The following MICU2 variants were observed in gnomAD, a reference collection of about 807,000 sequenced individuals.
The protein encoded by MICU2 is calcium uptake protein 2, mitochondrial.
MICU2 carries 64 observed loss-of-function variants against 60.4 expected under a neutral mutation model. The observed-to-expected ratio is 1.06, with a 90% CI of 0.87 to 1.31. The LOEUF (loss-of-function observed/expected upper bound fraction) is 1.31, where lower values mean the gene tolerates loss of function less well. Ranked by LOEUF, MICU2 falls within the 50% of genes most tolerant of loss-of-function variation. MICU2 has a pLI of 0.00. For synonymous variants in MICU2, 201 were observed against 175.0 expected (o/e 1.15, Z -1.17); for missense variants, 569 against 531.0 (o/e 1.07, Z -0.70).
chr13:21,577,341 T>C (rs957266757), intron 1 of MICU2, among the ~76,000 whole-genome samples: 8 of 152,102 alleles, frequency 5.3e-5, no homozygotes, highest in Non-Finnish European at 8.8e-5. Flanking sequence ...CCTTTTTAAT[T>C]TGGCTAACTT....
chr13:21,554,939 C>T (rs977691714), intron 2 of MICU2, among the ~76,000 whole-genome samples: 14 of 152,176 alleles, frequency 9.2e-5, no homozygotes, highest in Admixed American at 3.9e-4. Flanking sequence ...ATAAATTCCT[C>T]GACACATATA....
At chr13:21,539,782 C>A in intron 2 of MICU2, 94 bp from the exon 3 acceptor site, 2 of 1,124,464 alleles carry the variant, frequency 1.8e-6, no homozygotes. Context: ...ACAAAACAAA[C>A]AACTAAATAT....
intron 1 of MICU2, among the ~76,000 whole-genome samples, chr13:21,572,715 T>C (rs563742688): frequency 6.6e-6 from 1 of 152,268 alleles, no homozygotes; most frequent in East Asian, 1.9e-4. Context: ...AGTATACTGT[T>C]GCATGATTCA....
At chr13:21,555,516 T>C (rs969780548) in intron 2 of MICU2, among the ~76,000 whole-genome samples, 1 of 152,260 alleles carries the variant, frequency 6.6e-6, no homozygotes, top group Non-Finnish European at 1.5e-5. Context: ...TGATGGGATG[T>C]ATCTCAAAAT....
chr13:21,500,298 G>A (rs1886113346), intron 9 of MICU2, among the ~76,000 whole-genome samples: 1 of 151,874 alleles, frequency 6.6e-6, no homozygotes, highest in Non-Finnish European at 1.5e-5. Context: ...AGGCTAACCT[G>A]CAAAGGGATA....
At chr13:21,501,730 C>T (rs1304876419) in intron 9 of MICU2, among the ~76,000 whole-genome samples, 1 of 152,208 alleles carries the variant, frequency 6.6e-6, no homozygotes, top group African/African-American at 2.4e-5. Context: ...AGCCAAGTGT[C>T]ATGTGATGTT....
At chr13:21,494,659 T>C (rs1011548427) in intron 11 of MICU2, among the ~76,000 whole-genome samples, 2 of 152,166 alleles carry the variant, frequency 1.3e-5, no homozygotes, top group Admixed American at 1.3e-4. Flanking sequence ...ATATATCTAA[T>C]TACATGTAGT....
chr13:21,577,804 C>CAAA (rs56200015), intron 1 of MICU2, among the ~76,000 whole-genome samples: 20 of 47,868 alleles, frequency 4.2e-4, no homozygotes, highest in African/African-American at 6.7e-4. Flanking sequence ...GACTCGGTCT[C>CAAA]AAAAAAAAAA....
chr13:21,584,388 CA>C (rs369331807), intron 1 of MICU2, among the ~76,000 whole-genome samples: 1,258 of 103,314 alleles, frequency 0.012, 19 homozygotes, highest in African/African-American at 0.04. Flanking sequence ...GACTCCATCT[CA>C]AAAAAAAAAA....
At chr13:21,505,486 C>T (rs1886270995) in intron 8 of MICU2, among the ~76,000 whole-genome samples, 1 of 152,136 alleles carries the variant, frequency 6.6e-6, no homozygotes, top group South Asian at 2.1e-4. Context: ...AAAAGCACAC[C>T]AAAATTCTGG....
intron 9 of MICU2, among the ~76,000 whole-genome samples, chr13:21,499,730 T>A (rs1003678579): frequency 6.6e-6 from 1 of 150,624 alleles, no homozygotes; most frequent in Non-Finnish European, 1.5e-5. Flanking sequence ...TTTCTGTACA[T>A]CTATCAGAGG....
rs192607739 is a variant in MICU2 at position 21,530,961 on chromosome 13, T to G, written c.467-8311A>C. On this transcript the variant is annotated intron_variant, in intron 4 of 11. Coordinates refer to ENST00000382374, the MANE Select transcript of MICU2 (RefSeq NM_152726.3). The stretch of plus-strand genomic sequence containing the variant: ...ATCCTGTGGTCCAGATCATTTACAG[T>G]GACAAATATACACTCTGGAAATGAT... 461 of 772,096 alleles carry G rather than the reference T, an allele frequency of 6.0e-4. 4 individuals are homozygous for G. In the African/African-American group the frequency reaches 7.2e-3, roughly 12 times the overall value. 47.8% of individuals were successfully genotyped at this position (772,096 alleles called of 1,614,324 possible). A position where few individuals can be genotyped will look rare whatever the true frequency, so the allele number is the denominator to read the frequency against.
chr13:21,600,067 C>A (rs1053750121), intron 1 of MICU2, among the ~76,000 whole-genome samples: 1 of 152,100 alleles, frequency 6.6e-6, no homozygotes, highest in African/African-American at 2.4e-5. Flanking sequence ...AAAATGTAAT[C>A]TTTTTTCTAA....
intron 6 of MICU2, among the ~76,000 whole-genome samples, chr13:21,517,799 A>ACACACACACG (rs1244489287): frequency 1.8e-4 from 24 of 136,400 alleles, no homozygotes; most frequent in African/African-American, 7.4e-4. Flanking sequence ...ACACACACAC[A>ACACACACACG]CGCGCGCGCG....
At chr13:21,528,271 A>G (rs895544132) in intron 4 of MICU2, among the ~76,000 whole-genome samples, 1 of 152,212 alleles carries the variant, frequency 6.6e-6, no homozygotes, top group Non-Finnish European at 1.5e-5. Context: ...AAGGGTCCCA[A>G]GTATAACTAA....
intron 9 of MICU2, among the ~76,000 whole-genome samples, chr13:21,498,614 G>C (rs1886064513): frequency 6.6e-6 from 1 of 151,900 alleles, no homozygotes; most frequent in African/African-American, 2.4e-5. Context: ...CCTGACCTCA[G>C]GTGATTCACC....
At chr13:21,572,426 G>T (rs1456853258) in intron 1 of MICU2, among the ~76,000 whole-genome samples, 3 of 152,224 alleles carry the variant, frequency 2.0e-5, no homozygotes, top group Non-Finnish European at 4.4e-5. Context: ...TTAGTGCCAA[G>T]TGAATCTACA....
intron 1 of MICU2, among the ~76,000 whole-genome samples, chr13:21,596,977 C>A (rs1195890490): frequency 6.6e-6 from 1 of 151,966 alleles, no homozygotes; most frequent in Non-Finnish European, 1.5e-5. Context: ...TTGAGGTTTA[C>A]CAGTTGAAGC....
intron 7 of MICU2, among the ~76,000 whole-genome samples, chr13:21,513,731 CTCTG>C (rs1404767961): frequency 2.6e-5 from 2 of 76,698 alleles, no homozygotes; most frequent in African/African-American, 1.1e-4. Flanking sequence ...CTGAGTGAGA[CTCTG>C]TCTCAAAAAA....
Sources: gnomAD v4.1 joint callset for allele counts (sites outside exome capture counted in the v4.1 genomes callset) on GRCh38, gnomAD v4.1.1 for gene constraint, MANE v1.5 for transcripts, NCBI Gene and HGNC (gene_info 2026-07-23, HGNC 2026-07-21) for gene names.